Variants in COMMD10 observed in about 807,000 individuals in gnomAD.
The protein encoded by COMMD10 is COMM domain-containing protein 10.
A neutral mutation model predicts 28.9 loss-of-function variants in COMMD10; 33 were observed. The ratio of observed to expected loss-of-function variants is 1.14; its 90% CI spans 0.87 to 1.53. COMMD10 has a LOEUF of 1.53. Among genes scored for constraint, COMMD10 ranks in the 40% most tolerant of loss-of-function variants. COMMD10 has a pLI of 0.00. For synonymous variants in COMMD10, 110 were observed against 81.7 expected (o/e 1.35, Z -1.87); for missense variants, 310 against 233.4 (o/e 1.33, Z -2.14).
chr5:116,271,892 C>A (rs1750769855), intron 5 of COMMD10, among the ~76,000 whole-genome samples: 1 of 151,778 alleles, frequency 6.6e-6, no homozygotes, highest in African/African-American at 2.4e-5. Context: ...AATGAGTTAT[C>A]TTTTCGTAAC....
chr5:116,171,103 T>C (rs1035661349), intron 5 of COMMD10, among the ~76,000 whole-genome samples: 1 of 151,832 alleles, frequency 6.6e-6, no homozygotes, highest in African/African-American at 2.4e-5. Flanking sequence ...AGGTCTAATA[T>C]CCAGAATCTA....
chr5:116,115,020 C>T (rs1390414727), intron 4 of COMMD10, among the ~76,000 whole-genome samples: 1 of 152,096 alleles, frequency 6.6e-6, no homozygotes, highest in Non-Finnish European at 1.5e-5. Flanking sequence ...GTTCAGCAAA[C>T]CACAGATTGA....
intron 5 of COMMD10, among the ~76,000 whole-genome samples, chr5:116,221,796 C>T (rs185329337): frequency 8.5e-5 from 13 of 152,152 alleles, no homozygotes; most frequent in African/African-American, 3.1e-4. Context: ...AGTAGGAAGC[C>T]AAGAGCAAAG....
chr5:116,113,552 A>C (rs941440290), intron 4 of COMMD10, among the ~76,000 whole-genome samples: 1 of 151,740 alleles, frequency 6.6e-6, no homozygotes, highest in Non-Finnish European at 1.5e-5. Flanking sequence ...TCATGTTCTG[A>C]AATCTTTTCT....
chr5:116,272,528 T>A (rs10062588), intron 5 of COMMD10, among the ~76,000 whole-genome samples: 33,423 of 151,704 alleles, frequency 0.22, 4,856 homozygotes, highest in African/African-American at 0.39. Flanking sequence ...GACTTGAACA[T>A]CCCAGAACAC....
intron 5 of COMMD10, among the ~76,000 whole-genome samples, chr5:116,169,132 TTAAA>T (rs1215590920): frequency 6.6e-6 from 1 of 151,830 alleles, no homozygotes; most frequent in East Asian, 1.9e-4. Flanking sequence ...GAGAGAAGAA[TTAAA>T]TAGACACAAT....
At chr5:116,256,739 A>G (rs1253322244) in intron 5 of COMMD10, among the ~76,000 whole-genome samples, 1 of 151,804 alleles carries the variant, frequency 6.6e-6, no homozygotes, top group Non-Finnish European at 1.5e-5. Flanking sequence ...TCATAAACAT[A>G]TAGGTTGAAG....
intron 5 of COMMD10, among the ~76,000 whole-genome samples, chr5:116,265,685 T>G (rs1750565848): frequency 6.6e-6 from 1 of 151,948 alleles, no homozygotes; most frequent in South Asian, 2.1e-4. Context: ...TTGCAAACAC[T>G]TGCAATAAGT....
At chr5:116,106,813 T>G (rs1289738115) in intron 4 of COMMD10, among the ~76,000 whole-genome samples, 7 of 152,242 alleles carry the variant, frequency 4.6e-5, no homozygotes, top group Non-Finnish European at 1.5e-5. Flanking sequence ...TCCTTTTTTT[T>G]GCTTTCCATT....
chr5:116,201,921 T>G (rs945286122), intron 5 of COMMD10, among the ~76,000 whole-genome samples: 1 of 152,084 alleles, frequency 6.6e-6, no homozygotes, highest in Non-Finnish European at 1.5e-5. Flanking sequence ...AGTTTTAGGG[T>G]ACATGTGCAC....
intron 5 of COMMD10, among the ~76,000 whole-genome samples, chr5:116,192,100 T>C (rs1429375404): frequency 6.6e-6 from 1 of 151,638 alleles, no homozygotes; most frequent in African/African-American, 2.4e-5. Flanking sequence ...GCCACGTCCA[T>C]AGGAAAATGG....
At chr5:116,229,967 CA>C (rs562538581) in intron 5 of COMMD10, among the ~76,000 whole-genome samples, 2,318 of 151,464 alleles carry the variant, frequency 0.015, 71 homozygotes, top group African/African-American at 0.053. Context: ...TGAGCCCCCC[CA>C]AAAAAAAATC....
chr5:116,218,118 C>CT, intron 5 of COMMD10: 1 of 1,296,462 alleles, frequency 7.7e-7, no homozygotes, highest in Non-Finnish European at 1.1e-6. Context: ...CCAGCATCAG[C>CT]TTTTCCCTTT....
chr5:116,233,419 C>T (rs575478591), intron 5 of COMMD10, among the ~76,000 whole-genome samples: 76 of 152,266 alleles, frequency 5.0e-4, no homozygotes, highest in Admixed American at 2.6e-3. Flanking sequence ...TGAAATATAT[C>T]TCCCACAGAT....
At chr5:116,199,515 T>C (rs1561663616) in intron 5 of COMMD10, among the ~76,000 whole-genome samples, 1 of 152,146 alleles carries the variant, frequency 6.6e-6, no homozygotes, top group African/African-American at 2.4e-5. Context: ...AGCTTTGATA[T>C]TGTATCTAAA....
intron 5 of COMMD10, among the ~76,000 whole-genome samples, chr5:116,271,788 T>C (rs1405964519): frequency 6.6e-6 from 1 of 151,856 alleles, no homozygotes; most frequent in Non-Finnish European, 1.5e-5. Flanking sequence ...AGGAAACTCT[T>C]AGGCCATTAT....
intron 5 of COMMD10, among the ~76,000 whole-genome samples, chr5:116,145,792 C>G (rs562726148): frequency 6.0e-4 from 91 of 151,932 alleles, no homozygotes; most frequent in Non-Finnish European, 1.1e-3. Flanking sequence ...GGGGCTCTTA[C>G]CCCTTTGCTC....
chr5:116,152,031 T>C (rs547371741), intron 5 of COMMD10, among the ~76,000 whole-genome samples: 124 of 152,308 alleles, frequency 8.1e-4, no homozygotes, highest in African/African-American at 2.8e-3. Flanking sequence ...GCTTTGAATG[T>C]GTCCCAGAGA....
intron 5 of COMMD10, among the ~76,000 whole-genome samples, chr5:116,279,823 C>T (rs571075023): frequency 6.6e-6 from 1 of 151,854 alleles, no homozygotes; most frequent in African/African-American, 2.4e-5. Flanking sequence ...AAATTGAAGA[C>T]TTTAACCTTG....
Sources: allele counts gnomAD v4.1 joint callset (sites outside exome capture counted in the v4.1 genomes callset), GRCh38; gene constraint gnomAD v4.1.1; transcripts MANE v1.5; gene names NCBI Gene and HGNC (gene_info 2026-07-23, HGNC 2026-07-21).